Variants in BBX observed in about 807,000 individuals in gnomAD.
The protein encoded by BBX is HMG box transcription factor BBX.
A neutral mutation model predicts 100.2 loss-of-function variants in BBX; 30 were observed. The ratio of observed to expected loss-of-function variants is 0.30; its 90% CI spans 0.22 to 0.41. BBX has a LOEUF of 0.41. Among genes scored for constraint, BBX ranks in the 10% least tolerant of loss-of-function variants. The probability of loss-of-function intolerance (pLI) is 1.00; values close to 1 mark genes in which losing one functional copy is unlikely to be tolerated. For missense variants in BBX, 1,023 were observed against 1,129.8 expected, an observed-to-expected ratio of 0.91 and a Z score of 1.35; for synonymous variants, 376 against 388.1, an observed-to-expected ratio of 0.97 and a Z score of 0.37.
chr3:107,701,191 G>A lies in BBX; in HGVS notation c.-9-9261G>A, dbSNP rs190845546. Among the ~76,000 whole-genome samples, 174 of 152,284 alleles carry A rather than the reference G, an allele frequency of 1.1e-3. 1 individual carries two copies. The highest frequency in any genetic ancestry group is 4.1e-3 in the African/African-American group (170 of 41,544). ...TTGATTTGCATTTCTCTGATGGCCA[G>A]TGATGATGAGCATTTTTTCATGTGT... On this transcript the variant is annotated intron_variant, in intron 3 of 17. Coordinates refer to ENST00000325805, the MANE Select transcript of BBX (RefSeq NM_001142568.3).
At chr3:107,620,575 T>C (rs1383742001) in intron 2 of BBX, among the ~76,000 whole-genome samples, 1 of 152,232 alleles carries the variant, frequency 6.6e-6, no homozygotes, top group Non-Finnish European at 1.5e-5. Context: ...GTCTTATTAT[T>C]GCAAGATGAG....
chr3:107,617,553 C>T (rs147184754), intron 2 of BBX, among the ~76,000 whole-genome samples: 2 of 151,876 alleles, frequency 1.3e-5, no homozygotes, highest in African/African-American at 4.8e-5. Context: ...ATTTTTTTTC[C>T]ATCAGCATTT....
chr3:107,741,858 A>G (rs1326283742), intron 7 of BBX, among the ~76,000 whole-genome samples: 1 of 152,210 alleles, frequency 6.6e-6, no homozygotes, highest in Non-Finnish European at 1.5e-5. Context: ...CCTTTTATAT[A>G]GATAGAATTT....
In BBX at chr3:107,801,137, C is replaced by T; in HGVS notation, c.2594C>T (p.Ala865Val). Residue 865 changes from alanine to valine, a missense_variant, in exon 17 of 18, where the codon GCA (alanine) becomes GTA (valine). Transcript: ENST00000325805. ...CAACTGCAGAGGAGTCTCCCTAAAGCAACTGAGACAGACTGCAATGACAAA... is the reference window on the plus strand; with the variant it reads ...CAACTGCAGAGGAGTCTCCCTAAAGTAACTGAGACAGACTGCAATGACAAA... ...KEQLQRSLPK[A>V]TETDCNDKCS... 5 of 1,614,176 alleles carry T rather than the reference C, an allele frequency of 3.1e-6. No homozygotes were observed. The highest frequency in any genetic ancestry group is 4.2e-6 in the Non-Finnish European group (5 of 1,180,022).
intron 3 of BBX, among the ~76,000 whole-genome samples, chr3:107,662,299 G>A (rs547982856): frequency 6.6e-6 from 1 of 152,232 alleles, no homozygotes; most frequent in Admixed American, 6.5e-5. Flanking sequence ...AGTAATTTCT[G>A]TGGGGCTTGG....
intron 2 of BBX, among the ~76,000 whole-genome samples, chr3:107,625,879 G>A (rs2056131908): frequency 6.6e-6 from 1 of 152,036 alleles, no homozygotes; most frequent in African/African-American, 2.4e-5. Flanking sequence ...TTTGTTACAT[G>A]TAAGATTATT....
chr3:107,790,694 A>G (rs2068924968), intron 14 of BBX, among the ~76,000 whole-genome samples: 1 of 151,954 alleles, frequency 6.6e-6, no homozygotes, highest in Admixed American at 6.6e-5. Context: ...CCATAAACCA[A>G]CTCATCCGGT....
At chr3:107,701,026 A>G (rs1028325777) in intron 3 of BBX, among the ~76,000 whole-genome samples, 1 of 151,918 alleles carries the variant, frequency 6.6e-6, no homozygotes, top group East Asian at 1.9e-4. Flanking sequence ...ACTGACTTCC[A>G]CAATGGTTGT....
At chr3:107,741,930 G>A (rs1026601842) in intron 7 of BBX, among the ~76,000 whole-genome samples, 2 of 151,724 alleles carry the variant, frequency 1.3e-5, no homozygotes, top group Admixed American at 6.6e-5. Context: ...CATTTTATGG[G>A]TTGCCTTACT....
chr3:107,661,447 T>G (rs1418267011), intron 3 of BBX, among the ~76,000 whole-genome samples: 1 of 152,172 alleles, frequency 6.6e-6, no homozygotes, highest in African/African-American at 2.4e-5. Context: ...TATTTATAGC[T>G]GGGTTGTTTG....
At chr3:107,630,242 C>T (rs1017184375) in intron 2 of BBX, among the ~76,000 whole-genome samples, 3 of 152,052 alleles carry the variant, frequency 2.0e-5, no homozygotes, top group Non-Finnish European at 4.4e-5. Context: ...TTTAAAGTGT[C>T]TCCTGTGATT....
intron 3 of BBX, among the ~76,000 whole-genome samples, chr3:107,674,997 C>T (rs1458426856): frequency 1.3e-5 from 2 of 152,090 alleles, no homozygotes; most frequent in African/African-American, 2.4e-5. Context: ...CTTACAGAGT[C>T]CAAGTTTTCA....
chr3:107,761,572 G>A (rs1392982306), intron 10 of BBX, among the ~76,000 whole-genome samples: 1 of 152,290 alleles, frequency 6.6e-6, no homozygotes, highest in East Asian at 1.9e-4. Context: ...AGAAAAAGAA[G>A]AGTCAAAGAT....
chr3:107,755,623 G>C lies in BBX; in HGVS notation c.851G>C (p.Gly284Ala). ...AEISSNTSQL[G>A]GAEPVKRCGK... ...ATTTCTTCAAACACTTCGCAGTTGG[G>C]TGGTGCTGAGCCTGTAAAACGCTGT... Residue 284 changes from glycine (G) to alanine (A), a missense_variant, in exon 10 of 18, where the codon GGT (glycine) becomes GCT (alanine). Coordinates refer to ENST00000325805, the MANE Select transcript of BBX (RefSeq NM_001142568.3). 1.2e-6 allele frequency: 2 copies of C among 1,613,884 alleles called. No individual in the cohort carries two copies. The highest frequency in any genetic ancestry group is 2.2e-5 in the South Asian group (2 of 91,066).
intron 5 of BBX, among the ~76,000 whole-genome samples, chr3:107,719,794 C>G (rs1445716926): frequency 6.6e-6 from 1 of 151,990 alleles, no homozygotes; most frequent in Non-Finnish European, 1.5e-5. Context: ...TATATCTTTC[C>G]TTTTAACATC....
intron 7 of BBX, among the ~76,000 whole-genome samples, chr3:107,743,918 G>GTTTTTTTTT (rs34762783): frequency 3.5e-4 from 20 of 56,616 alleles, no homozygotes; most frequent in East Asian, 7.9e-4. Flanking sequence ...TGTTTTAGTG[G>GTTTTTTTTT]TTTTTTTTTT....
chr3:107,773,263 C>T lies in BBX; in HGVS notation c.1542C>T (p.Ser514=), dbSNP rs371479982. The change falls in exon 11 of 18, where the codon TCC becomes TCT. Residue 514 remains serine, a synonymous_variant. Coordinates refer to ENST00000325805, the MANE Select transcript of BBX (RefSeq NM_001142568.3). This position sits in a 1 kb window ranked among gnomAD's most constrained non-coding sequence, Gnocchi z 4.1. ...CCCCTCGCAAGAAGGTCCGCACATC[C>T]TCAAGTGGCAAGGGAAGCATTTTGG... is the stretch of plus-strand genomic sequence containing the variant. ...GDTPRKKVRT[S]SSGKGSILDA... The T allele has an allele frequency of 4.3e-5, 69 of 1,613,944 alleles. No homozygotes were observed. The African/African-American group carries it at 7.5e-4, about 17-fold the overall frequency.
chr3:107,717,397 C>G (rs1352870388), intron 5 of BBX, among the ~76,000 whole-genome samples: 2 of 151,812 alleles, frequency 1.3e-5, no homozygotes, highest in Non-Finnish European at 2.9e-5. Flanking sequence ...TTTTTCTTTC[C>G]TAATGTTATT....
At chr3:107,639,740 A>G (rs185162266) in intron 2 of BBX, among the ~76,000 whole-genome samples, 2 of 152,318 alleles carry the variant, frequency 1.3e-5, no homozygotes, top group African/African-American at 4.8e-5. Context: ...GGCAATGTAC[A>G]TAATGTACAT....
Sources: allele counts gnomAD v4.1 joint callset (sites outside exome capture counted in the v4.1 genomes callset), GRCh38; gene constraint gnomAD v4.1.1; non-coding constraint Gnocchi (gnomAD v3.1); transcripts MANE v1.5; gene names NCBI Gene and HGNC (gene_info 2026-07-23, HGNC 2026-07-21).